Variants in MYCT1 observed in about 807,000 individuals in gnomAD.
MYCT1 encodes MYC target 1, also known as myc target protein 1.
Under a neutral mutation model 15.0 loss-of-function variants are expected in MYCT1, and 12 were observed. The ratio of observed to expected loss-of-function variants is 0.80; its 90% CI spans 0.51 to 1.29. MYCT1 has a LOEUF of 1.29. Among genes scored for constraint, MYCT1 ranks in the 50% most tolerant of loss-of-function variants. MYCT1 has a pLI of 0.00. For missense variants in MYCT1, 287 were observed against 279.1 expected, an observed-to-expected ratio of 1.03 and a Z score of -0.20; for synonymous variants, 104 against 102.7, an observed-to-expected ratio of 1.01 and a Z score of -0.07.
the MYCT1 span, among the ~76,000 whole-genome samples, chr6:152,735,081 G>A: frequency 5.3e-5 from 8 of 152,214 alleles, no homozygotes; most frequent in East Asian, 1.5e-3. Flanking sequence ...TGTTTCTAAA[G>A]CACATAAAAG....
the MYCT1 span, among the ~76,000 whole-genome samples, chr6:152,730,200 C>T: frequency 6.6e-6 from 1 of 152,132 alleles, no homozygotes; most frequent in African/African-American, 2.4e-5. Flanking sequence ...ATATATACTC[C>T]CTTCACATTT....
rs2099724085 is a variant in MYCT1, at chr6:152,718,254, A to T, written c.197-3488A>T. Reference sequence around the variant, plus strand: ...AAATTGTGATGGTCCAATATATTCTATAATAACTTGCCCATTAGAGTTTGG... The same window carrying T: ...AAATTGTGATGGTCCAATATATTCTTTAATAACTTGCCCATTAGAGTTTGG... On this transcript the variant is annotated intron_variant, in intron 1 of 1. Coordinates refer to ENST00000367245, the MANE Select transcript of MYCT1 (RefSeq NM_025107.3). Among the ~76,000 whole-genome samples the T allele has an allele frequency of 2.0e-5, 3 of 152,188 alleles. No homozygotes were observed. In the South Asian group the frequency reaches 6.2e-4, roughly 31 times the overall value.
the MYCT1 span, among the ~76,000 whole-genome samples, chr6:152,743,569 C>T: frequency 1.2e-4 from 18 of 152,304 alleles, no homozygotes; most frequent in Middle Eastern, 3.4e-3. Flanking sequence ...TCAACCGTCC[C>T]GGTAAATCCG....
chr6:152,720,714 G>A (rs1182940443), intron 1 of MYCT1, among the ~76,000 whole-genome samples: 3 of 152,160 alleles, frequency 2.0e-5, no homozygotes, highest in Non-Finnish European at 2.9e-5. Flanking sequence ...CTTTGGTACA[G>A]TGAGAAACGA....
chr6:152,717,683 A>G (rs553106156), intron 1 of MYCT1, among the ~76,000 whole-genome samples: 5 of 152,264 alleles, frequency 3.3e-5, no homozygotes, highest in Non-Finnish European at 5.9e-5. Flanking sequence ...TGTAAGTCCA[A>G]TTAAACCTCT....
chr6:152,739,545 A>G, the MYCT1 span, among the ~76,000 whole-genome samples: 1 of 151,920 alleles, frequency 6.6e-6, no homozygotes, highest in Admixed American at 6.6e-5. Flanking sequence ...TTCATTTTTG[A>G]TCAGAGGTAA....
chr6:152,714,447 T>A (rs2099723287), intron 1 of MYCT1, among the ~76,000 whole-genome samples: 1 of 151,592 alleles, frequency 6.6e-6, no homozygotes, highest in Non-Finnish European at 1.5e-5. Flanking sequence ...TAGGCTTTCT[T>A]ATTTTAAAAT....
At chr6:152,731,186 G>A in the MYCT1 span, among the ~76,000 whole-genome samples, 1 of 151,334 alleles carries the variant, frequency 6.6e-6, no homozygotes, top group Admixed American at 6.6e-5. Context: ...GAAAGTAAAA[G>A]GGCAGGCAAA....
At chr6:152,705,707 T>TTTA (rs144044691) in intron 1 of MYCT1, 1 of 199,896 alleles carries the variant, frequency 5.0e-6, no homozygotes, top group Non-Finnish European at 1.0e-5. Context: ...ATTATTTTAA[T>TTTA]TTATTATTAT....
At chr6:152,715,521 A>T in intron 1 of MYCT1, among the ~76,000 whole-genome samples, 1 of 152,090 alleles carries the variant, frequency 6.6e-6, no homozygotes, top group South Asian at 2.1e-4. Context: ...TCTTTCAAAC[A>T]TAATGACATT....
chr6:152,705,239 T>G (rs2099722058), intron 1 of MYCT1, among the ~76,000 whole-genome samples: 1 of 152,192 alleles, frequency 6.6e-6, no homozygotes, highest in Admixed American at 6.5e-5. Context: ...TCAGAACACT[T>G]ACATTAGCCT....
At chr6:152,701,568 GTGT>G (rs2099721318) in intron 1 of MYCT1, among the ~76,000 whole-genome samples, 1 of 152,160 alleles carries the variant, frequency 6.6e-6, no homozygotes, top group Non-Finnish European at 1.5e-5. Flanking sequence ...TGGAGAGGGT[GTGT>G]GGATGGGTGG....
Position 152,722,169 on chromosome 6 carries a change from G to A in MYCT1, c.624G>A (p.Trp208Ter). Reference protein sequence around the residue: ...TSHSLSRPDYWSSNSLRVGLS... With the variant: ...TSHSLSRPDY ...ACAGTCTGAGCCGTCCTGACTACTG[G>A]TCCAGTAACAGTCTTCGAGTGGGCC... The change falls in exon 2 of 2, where the codon TGG (tryptophan) becomes TGA (stop). Residue 208 changes from tryptophan to a stop codon, truncating the protein, a stop_gained. Transcript: ENST00000367245. LOFTEE classifies it high-confidence loss of function. The A allele has an allele frequency of 6.2e-7, 1 of 1,614,056 alleles. No individual in the cohort carries two copies. The highest frequency in any genetic ancestry group is 8.5e-7 in the Non-Finnish European group (1 of 1,180,020).
rs140585213 is a variant in MYCT1, at chr6:152,721,793, G to A, written c.248G>A (p.Gly83Glu). ...TVSMAIGLVL[G>E]GFIWAVFICL... ...TCCATGGCAATCGGGCTGGTACTTG[G>A]AGGATTTATTTGGGCTGTGTTCATT... is the stretch of plus-strand genomic sequence containing the variant. Residue 83 changes from glycine (G) to glutamate (E), a missense_variant, in exon 2 of 2, where the codon GGA (glycine) becomes GAA (glutamate). By Grantham distance (98) the Gly-to-Glu change is moderately conservative. Transcript: ENST00000367245. The A allele has an allele frequency of 1.7e-4, 281 of 1,614,046 alleles. 1 individual carries two copies. The East Asian group carries it at 5.8e-3, about 33-fold the overall frequency.
At chr6:152,734,995 T>C in the MYCT1 span, among the ~76,000 whole-genome samples, 1 of 152,246 alleles carries the variant, frequency 6.6e-6, no homozygotes, top group African/African-American at 2.4e-5. Flanking sequence ...AATCTACAGA[T>C]GATTTATAAA....
chr6:152,721,946 G>C lies in MYCT1; in HGVS notation c.401G>C (p.Arg134Pro), dbSNP rs776907574. 2 of 1,614,096 alleles carry C rather than the reference G, an allele frequency of 1.2e-6. No individual in the cohort carries two copies. Among genetic ancestry groups the C allele is most frequent in the Non-Finnish European group, 1.7e-6 (2 of 1,180,008 alleles). Residue 134 changes from arginine (R) to proline (P), a missense_variant, in exon 2 of 2, where the codon CGA (arginine) becomes CCA (proline). By Grantham distance (103) the Arg-to-Pro change is moderately radical (BLOSUM62 -2). Coordinates refer to ENST00000367245, the MANE Select transcript of MYCT1 (RefSeq NM_025107.3). ...TACCGCCACAGTGGCTGTGAACGTC[G>C]AAGCAACCTCAGCCTGGCCAGTCTC... ...GFYRHSGCERRSNLSLASLTF... is the reference protein window; with the variant it reads ...GFYRHSGCERPSNLSLASLTF...
At chr6:152,728,520 A>G (rs972315227), downstream of MYCT1, among the ~76,000 whole-genome samples, 2 of 150,834 alleles carry the variant, frequency 1.3e-5, no homozygotes, top group African/African-American at 4.8e-5. Context: ...TTCACTGGTG[A>G]AAATGAACAT....
chr6:152,718,825 CT>C, intron 1 of MYCT1, among the ~76,000 whole-genome samples: 1 of 152,012 alleles, frequency 6.6e-6, no homozygotes, highest in Non-Finnish European at 1.5e-5. Context: ...GGAAACATCT[CT>C]TTTTACATTT....
At chr6:152,702,250 T>C (rs1339325006) in intron 1 of MYCT1, among the ~76,000 whole-genome samples, 1 of 152,170 alleles carries the variant, frequency 6.6e-6, no homozygotes, top group Non-Finnish European at 1.5e-5. Context: ...CTGTTTATGA[T>C]AAAAAGTTAT....
Sources: allele counts gnomAD v4.1 joint callset (sites outside exome capture counted in the v4.1 genomes callset), GRCh38; gene constraint gnomAD v4.1.1; transcripts MANE v1.5; gene names NCBI Gene and HGNC (gene_info 2026-07-23, HGNC 2026-07-21).